MEF2A: variants seen among roughly 807,000 people sequenced by gnomAD.
MEF2A encodes the protein myocyte enhancer factor 2A.
Under a neutral mutation model 55.8 loss-of-function variants are expected in MEF2A, and 28 were observed. The observed-to-expected ratio is 0.50, with a 90% CI of 0.37 to 0.69. The LOEUF (loss-of-function observed/expected upper bound fraction) is 0.69, where lower values mean the gene tolerates loss of function less well. Among genes scored for constraint, MEF2A ranks in the 30% least tolerant of loss-of-function variants. MEF2A has a pLI of 0.00. For missense variants in MEF2A, 528 were observed against 626.2 expected (o/e 0.84, Z 1.67); for synonymous variants, 239 against 227.1 (o/e 1.05, Z -0.47).
chr15:99,571,375 G>A (rs1962217059), intron 1 of MEF2A, among the ~76,000 whole-genome samples: 1 of 152,116 alleles, frequency 6.6e-6, no homozygotes, highest in African/African-American at 2.4e-5. Flanking sequence ...GATTAAATGA[G>A]GTGTGTATTA....
At chr15:99,610,007 AT>A (rs1425926520) in intron 2 of MEF2A, among the ~76,000 whole-genome samples, 2 of 151,770 alleles carry the variant, frequency 1.3e-5, no homozygotes, top group South Asian at 4.2e-4. Flanking sequence ...ACTTAGATCA[AT>A]TTTTTTTCAT....
At chr15:99,651,732 A>G (rs1322715931) in intron 4 of MEF2A, among the ~76,000 whole-genome samples, 1 of 152,178 alleles carries the variant, frequency 6.6e-6, no homozygotes, top group Admixed American at 6.5e-5. Flanking sequence ...GCATGTGAAT[A>G]TTATTTAATC....
intron 4 of MEF2A, among the ~76,000 whole-genome samples, chr15:99,655,602 CTA>C (rs2047571358): frequency 6.6e-6 from 1 of 151,896 alleles, no homozygotes; most frequent in Admixed American, 6.6e-5. Context: ...TAAAACTAAA[CTA>C]AATTATCTCA....
At chr15:99,699,553 A>C (rs2057049548) in intron 8 of MEF2A, among the ~76,000 whole-genome samples, 1 of 152,252 alleles carries the variant, frequency 6.6e-6, no homozygotes. Flanking sequence ...TTTAGTAAAA[A>C]AAGATTCCGG....
chr15:99,604,855 G>T (rs117340082), intron 2 of MEF2A, among the ~76,000 whole-genome samples: 8,212 of 152,064 alleles, frequency 0.054, 290 homozygotes, highest in South Asian at 0.094. Flanking sequence ...GCCCATTAAG[G>T]TTATATCCTT....
chr15:99,703,880 T>C (rs1471078183), intron 9 of MEF2A, among the ~76,000 whole-genome samples: 1 of 152,220 alleles, frequency 6.6e-6, no homozygotes, highest in South Asian at 2.1e-4. Context: ...GTTCCCTGTT[T>C]ACTAAAAGGA....
At chr15:99,643,930 A>T (rs1324466981) in intron 3 of MEF2A, among the ~76,000 whole-genome samples, 4 of 152,164 alleles carry the variant, frequency 2.6e-5, no homozygotes, top group Admixed American at 6.5e-5. Flanking sequence ...GTATTCAAAG[A>T]TGATTCATAA....
intron 2 of MEF2A, among the ~76,000 whole-genome samples, chr15:99,630,070 T>C (rs1267781708): frequency 6.8e-6 from 1 of 146,264 alleles, no homozygotes; most frequent in Non-Finnish European, 1.5e-5. Context: ...TTCCTAAGTG[T>C]GGTTTTCTTT....
At chr15:99,698,757 A>G (rs948613238) in intron 8 of MEF2A, among the ~76,000 whole-genome samples, 2 of 151,828 alleles carry the variant, frequency 1.3e-5, no homozygotes, top group South Asian at 2.1e-4. Context: ...ATACCATTGC[A>G]CTCCAGCCTG....
At chr15:99,674,736 A>G (rs990156637) in intron 6 of MEF2A, 124 bp downstream of exon 6, 1 of 790,824 alleles carries the variant, frequency 1.3e-6, no homozygotes, top group Non-Finnish European at 2.0e-6. Context: ...TCACTGATAC[A>G]TAATTGGCCT....
At chr15:99,708,903 A>G (rs2058326899) in intron 10 of MEF2A, among the ~76,000 whole-genome samples, 1 of 152,202 alleles carries the variant, frequency 6.6e-6, no homozygotes, top group African/African-American at 2.4e-5. Flanking sequence ...GAATGGGGAC[A>G]GAGCGTGGGT....
intron 1 of MEF2A, among the ~76,000 whole-genome samples, chr15:99,572,528 C>CAGAG (rs57809996): frequency 0.37 from 56,356 of 151,906 alleles, 12,757 homozygotes; most frequent in Non-Finnish European, 0.5. Context: ...TCCATAAAGG[C>CAGAG]AGAGGCCTTG....
chr15:99,594,837 T>C (rs1156584340), intron 1 of MEF2A, among the ~76,000 whole-genome samples: 1 of 152,214 alleles, frequency 6.6e-6, no homozygotes, highest in Non-Finnish European at 1.5e-5. Context: ...AAGGGTGTTA[T>C]GAAATTATCA....
chr15:99,607,073 T>G (rs1170653091), intron 2 of MEF2A, among the ~76,000 whole-genome samples: 1 of 152,120 alleles, frequency 6.6e-6, no homozygotes, highest in East Asian at 1.9e-4. Context: ...TGATTCCACG[T>G]ATATAAAGTA....
chr15:99,591,036 A>G (rs966901481), intron 1 of MEF2A, among the ~76,000 whole-genome samples: 14 of 152,072 alleles, frequency 9.2e-5, no homozygotes, highest in South Asian at 2.1e-4. Context: ...TACTACCCCA[A>G]TCCCACCCTT....
intron 3 of MEF2A, among the ~76,000 whole-genome samples, chr15:99,639,084 A>G (rs1312792924): frequency 6.7e-6 from 1 of 149,830 alleles, no homozygotes; most frequent in East Asian, 1.9e-4. Flanking sequence ...TTTTTTCCAA[A>G]GGTTCCAAAG....
At chr15:99,634,774 G>C (rs878946874) in intron 3 of MEF2A, among the ~76,000 whole-genome samples, 1 of 152,190 alleles carries the variant, frequency 6.6e-6, no homozygotes, top group African/African-American at 2.4e-5. Flanking sequence ...CTGTTCTTAC[G>C]TTGGACTTAG....
Position 99,712,884 on chromosome 15 carries a change from T to TGTAAAGGG in MEF2A, c.*113_*114insGTAAAGGG. On this transcript the variant is annotated 3_prime_UTR_variant, in exon 12 of 12. Transcript: ENST00000557942. This position sits in a 1 kb window ranked among gnomAD's most constrained non-coding sequence, Gnocchi z 4.1. Reference sequence around the variant, plus strand: ...ATATTTATATGTACATACATATATATATCCCTTTACATATATATGTATGTG... The same window carrying TGTAAAGGG: ...ATATTTATATGTACATACATATATATGTAAAGGGATCCCTTTACATATATATGTATGTG... 8.6e-7 allele frequency: 1 copy of TGTAAAGGG among 1,161,176 alleles called. No homozygotes were observed. Among genetic ancestry groups the TGTAAAGGG allele is most frequent in the Non-Finnish European group, 1.2e-6 (1 of 830,704 alleles). 71.9% of individuals were successfully genotyped at this position (1,161,176 alleles called of 1,614,324 possible).
intron 2 of MEF2A, among the ~76,000 whole-genome samples, chr15:99,613,426 TA>T (rs1366036802): frequency 6.6e-6 from 1 of 152,218 alleles, no homozygotes; most frequent in Admixed American, 6.5e-5. Flanking sequence ...AACCTCAATC[TA>T]AACAATACAC....
Sources: gnomAD v4.1 joint callset for allele counts (sites outside exome capture counted in the v4.1 genomes callset) on GRCh38, gnomAD v4.1.1 for gene constraint, Gnocchi (gnomAD v3.1) non-coding constraint, MANE v1.5 for transcripts, NCBI Gene and HGNC (gene_info 2026-07-23, HGNC 2026-07-21) for gene names.